C5: variants seen among roughly 807,000 people sequenced by gnomAD.
The protein encoded by C5 is C3 and PZP-like alpha-2-macroglobulin domain-containing protein 4.
Under a neutral mutation model 218.8 loss-of-function variants are expected in C5, and 140 were observed. The observed-to-expected ratio is 0.64, with a 90% CI of 0.56 to 0.74. C5 has a LOEUF of 0.74. Among genes scored for constraint, C5 ranks in the 30% least tolerant of loss-of-function variants. The pLI is 0.00. For synonymous variants in C5, 614 were observed against 682.3 expected (o/e 0.90, Z 1.56); for missense variants, 1,700 against 1,969.6 (o/e 0.86, Z 2.59).
At chr9:120,998,106 A>G (rs1033980025) in intron 20 of C5, among the ~76,000 whole-genome samples, 2 of 152,050 alleles carry the variant, frequency 1.3e-5, no homozygotes, top group Non-Finnish European at 2.9e-5. Context: ...CCGTGCCCAG[A>G]CTCGAAATAC....
intron 17 of C5, among the ~76,000 whole-genome samples, chr9:121,013,584 C>T (rs544307180): frequency 1.3e-5 from 2 of 152,186 alleles, no homozygotes; most frequent in South Asian, 2.1e-4. Flanking sequence ...AGGATCTGGT[C>T]GAAGCTCCTT....
At chr9:121,040,690 C>G (rs1030387756) in intron 3 of C5, among the ~76,000 whole-genome samples, 3 of 152,136 alleles carry the variant, frequency 2.0e-5, no homozygotes, top group Non-Finnish European at 4.4e-5. Context: ...TCTCACAACT[C>G]TATGAGGTAA....
chr9:121,006,387 A>G (rs41309882), intron 19 of C5, among the ~76,000 whole-genome samples: 3 of 152,364 alleles, frequency 2.0e-5, no homozygotes, highest in Non-Finnish European at 2.9e-5. Context: ...GATTGTGGAA[A>G]CCAAGATTTT....
intron 7 of C5, 138 bp from the exon 8 acceptor site, chr9:121,027,412 C>T (rs1587989067): frequency 1.6e-6 from 1 of 627,284 alleles, no homozygotes; most frequent in East Asian, 2.9e-5. Context: ...AAGAACAAAG[C>T]TGGAGGCATC....
At chr9:121,037,754 T>C (rs891651159) in intron 4 of C5, 127 bp downstream of exon 4, 80 of 542,212 alleles carry the variant, frequency 1.5e-4, no homozygotes, top group Non-Finnish European at 2.4e-4. Flanking sequence ...CTATACTCAT[T>C]GCAGATGTTC....
chr9:121,061,343 C>A, the C5 span, among the ~76,000 whole-genome samples: 1 of 152,096 alleles, frequency 6.6e-6, no homozygotes, highest in Non-Finnish European at 1.5e-5. Flanking sequence ...AACATAAAGC[C>A]TTTTCCTCTA....
intron 17 of C5, among the ~76,000 whole-genome samples, chr9:121,011,602 G>T (rs1564150532): frequency 6.6e-6 from 1 of 152,172 alleles, no homozygotes; most frequent in Non-Finnish European, 1.5e-5. Context: ...GCTACCATAT[G>T]ATCTGGCAAT....
At chr9:121,062,121 C>T in the C5 span, among the ~76,000 whole-genome samples, 1 of 152,132 alleles carries the variant, frequency 6.6e-6, no homozygotes, top group South Asian at 2.1e-4. Context: ...AAAACAAGTT[C>T]CTGTTCCAAT....
At chr9:121,028,542 C>T (rs555525700) in intron 7 of C5, among the ~76,000 whole-genome samples, 2 of 152,202 alleles carry the variant, frequency 1.3e-5, no homozygotes, top group African/African-American at 4.8e-5. Context: ...ATGTCCTTTG[C>T]AGGGACATGG....
chr9:120,957,409 T>C, intron 38 of C5, 41 bp from the exon 39 acceptor site: 1 of 1,438,224 alleles, frequency 7.0e-7, no homozygotes, highest in Admixed American at 1.7e-5. Context: ...TCAGTCTTAA[T>C]ACTATTAATG....
intron 36 of C5, 87 bp downstream of exon 36, chr9:120,962,584 A>C (rs1307990700): frequency 4.7e-6 from 5 of 1,057,924 alleles, no homozygotes; most frequent in Non-Finnish European, 7.4e-6. Flanking sequence ...CAATACATAA[A>C]ATTTACAGGA....
chr9:121,065,955 C>T, the C5 span, among the ~76,000 whole-genome samples: 1 of 152,094 alleles, frequency 6.6e-6, no homozygotes, highest in Non-Finnish European at 1.5e-5. Flanking sequence ...ATGCAACAAA[C>T]TTGAATGGGC....
chr9:121,010,662 G>C (rs905424951), intron 17 of C5, among the ~76,000 whole-genome samples: 1 of 151,954 alleles, frequency 6.6e-6, no homozygotes, highest in Non-Finnish European at 1.5e-5. Context: ...AACTACAAAA[G>C]ACCAGAATAG....
intron 36 of C5, 81 bp downstream of exon 36, chr9:120,962,590 C>T: frequency 9.2e-7 from 1 of 1,089,680 alleles, no homozygotes; most frequent in Non-Finnish European, 1.4e-6. Flanking sequence ...ATAAAATTTA[C>T]AGGACTCTAG....
intron 38 of C5, among the ~76,000 whole-genome samples, chr9:120,959,749 G>A (rs915909724): frequency 6.6e-6 from 1 of 152,224 alleles, no homozygotes; most frequent in African/African-American, 2.4e-5. Flanking sequence ...TGGACAACTA[G>A]AAGCACTGAG....
intron 25 of C5, among the ~76,000 whole-genome samples, chr9:120,988,527 TGTTTGAGGAAGGCTA>T (rs979432951): frequency 1.3e-5 from 2 of 151,984 alleles, no homozygotes; most frequent in African/African-American, 2.4e-5. Context: ...ATGCCTGGTG[TGTTTGAGGAAGGCTA>T]GTGGGGCTGA....
Position 120,976,738 on chromosome 9 carries a change from C to G in C5, c.3826G>C (p.Glu1276Gln), listed in dbSNP as rs1478585173. ...AAGCCACCTCCATACCTCTGCTCTTCTGATAGCCATTTGATGACTGGGTTA... is the reference window on the plus strand; with the variant it reads ...AAGCCACCTCCATACCTCTGCTCTTGTGATAGCCATTTGATGACTGGGTTA... ...YVNPVIKWLS[E>Q]EQRYGGGFYS... Residue 1276 changes from glutamate (E) to glutamine (Q), a missense_variant, in exon 29 of 41, where the codon GAA (glutamate) becomes CAA (glutamine). Physicochemically the swap from Glu to Gln is conservative, Grantham distance 29. Coordinates refer to ENST00000223642, the MANE Select transcript of C5 (RefSeq NM_001735.3). The G allele has an allele frequency of 3.1e-6, 5 of 1,614,158 alleles. No homozygotes were observed. Among genetic ancestry groups the G allele is most frequent in the Non-Finnish European group, 2.5e-6 (3 of 1,180,010 alleles).
chr9:121,069,007 G>T, the C5 span, among the ~76,000 whole-genome samples: 1 of 152,018 alleles, frequency 6.6e-6, no homozygotes, highest in Non-Finnish European at 1.5e-5. Context: ...AATCAAAATG[G>T]ATCAAAGACC....
At chr9:121,064,116 AT>A in the C5 span, among the ~76,000 whole-genome samples, 1 of 151,170 alleles carries the variant, frequency 6.6e-6, no homozygotes, top group African/African-American at 2.4e-5. Context: ...TGTTCTTTTT[AT>A]TTTTTGTTTT....
Sources: gnomAD v4.1 joint callset for allele counts (sites outside exome capture counted in the v4.1 genomes callset) on GRCh38, gnomAD v4.1.1 for gene constraint, MANE v1.5 for transcripts, NCBI Gene and HGNC (gene_info 2026-07-23, HGNC 2026-07-21) for gene names.